The following RASA3 variants were observed in gnomAD, a reference collection of about 807,000 sequenced individuals.
RASA3 encodes ras GTPase-activating protein 3.
Under a neutral mutation model 110.0 loss-of-function variants are expected in RASA3, and 73 were observed. That is an observed-to-expected ratio of 0.66 (90% CI 0.55 to 0.81). The LOEUF (loss-of-function observed/expected upper bound fraction) is 0.81. Ranked by LOEUF, RASA3 falls within the 30% of genes least tolerant of loss-of-function variation. The probability of loss-of-function intolerance (pLI) is 0.00; values close to 1 mark genes in which losing one functional copy is unlikely to be tolerated. For synonymous variants in RASA3, 500 were observed against 451.4 expected (o/e 1.11, Z -1.37); for missense variants, 976 against 1,113.2 (o/e 0.88, Z 1.75).
intron 1 of RASA3, among the ~76,000 whole-genome samples, chr13:114,110,748 G>A (rs1008792880): frequency 6.6e-6 from 1 of 152,178 alleles, no homozygotes; most frequent in African/African-American, 2.4e-5. Flanking sequence ...TCAGCCTCCC[G>A]CGTCCCCACA....
chr13:114,016,007 CAAAGGTGGTGGCT>C (rs1035821537), intron 13 of RASA3, among the ~76,000 whole-genome samples, 177 bp downstream of exon 13: 1 of 152,108 alleles, frequency 6.6e-6, no homozygotes, highest in Admixed American at 6.5e-5. Flanking sequence ...CAGGCCAGGC[CAAAGGTGGTGGCT>C]GAGGCCTCCC....
chr13:114,013,854 G>C (rs111068256), intron 14 of RASA3, among the ~76,000 whole-genome samples: 2,147 of 32,398 alleles, frequency 0.066, 140 homozygotes, highest in African/African-American at 0.17. Context: ...CCATCTCTCT[G>C]TCTCTCTCCC....
At chr13:114,019,203 G>A (rs1378716851) in intron 9 of RASA3, among the ~76,000 whole-genome samples, 6 of 152,212 alleles carry the variant, frequency 3.9e-5, no homozygotes, top group Admixed American at 2.0e-4. Flanking sequence ...TCCGGGAACC[G>A]GCACAGAAGT....
At chr13:114,098,345 G>A (rs2079972675) in intron 1 of RASA3, among the ~76,000 whole-genome samples, 1 of 152,198 alleles carries the variant, frequency 6.6e-6, no homozygotes, top group Non-Finnish European at 1.5e-5. Context: ...CGGGTCAGCA[G>A]GCGCTAAGGA....
intron 4 of RASA3, among the ~76,000 whole-genome samples, chr13:114,039,138 T>C (rs796908446): frequency 1.4e-4 from 22 of 152,354 alleles, no homozygotes; most frequent in African/African-American, 5.3e-4. Context: ...GCTGGGACTC[T>C]GCACTCAGAC....
chr13:113,993,303 G>A (rs1370160217), intron 21 of RASA3, among the ~76,000 whole-genome samples: 1 of 152,040 alleles, frequency 6.6e-6, no homozygotes, highest in East Asian at 2.0e-4. Context: ...AGCCTCCTGA[G>A]TAGCTGGGAT....
intron 11 of RASA3, 107 bp from the exon 12 acceptor site, chr13:114,017,458 C>G (rs751899340): frequency 8.9e-5 from 78 of 879,212 alleles, no homozygotes; most frequent in Middle Eastern, 4.4e-4. Context: ...GGTCAGTGCA[C>G]GCCCATCAGT....
At chr13:114,002,800 A>G (rs1201291178) in intron 18 of RASA3, among the ~76,000 whole-genome samples, 1 of 152,186 alleles carries the variant, frequency 6.6e-6, no homozygotes, top group Admixed American at 6.5e-5. Context: ...AACCGGGCCC[A>G]TCGCGCGTGT....
intron 22 of RASA3, among the ~76,000 whole-genome samples, chr13:113,989,728 C>T (rs1410959949): frequency 3.3e-5 from 5 of 151,996 alleles, no homozygotes; most frequent in African/African-American, 4.8e-5. Flanking sequence ...CTCACCCAAC[C>T]GTCCATCCAC....
chr13:114,041,473 C>T (rs766909944), intron 3 of RASA3, among the ~76,000 whole-genome samples: 165 of 152,396 alleles, frequency 1.1e-3, no homozygotes, highest in Non-Finnish European at 2.2e-3. Context: ...CGAACGTCCG[C>T]TCCATCGGCA....
chr13:113,995,187 C>T (rs1270250073), intron 21 of RASA3, among the ~76,000 whole-genome samples: 2 of 152,228 alleles, frequency 1.3e-5, no homozygotes, highest in South Asian at 2.1e-4. Context: ...GTTCCCTGCA[C>T]GGTCGGCTGC....
chr13:114,011,963 T>C lies in RASA3; in HGVS notation c.1513-715A>G, dbSNP rs4883660. Among the ~76,000 whole-genome samples the C allele has an allele frequency of 0.98, 148,740 of 152,008 alleles. 72,818 individuals carry two copies. Among genetic ancestry groups the C allele is most frequent in the East Asian group, 1 (5,148 of 5,154 alleles). On this transcript the variant is annotated intron_variant, in intron 15 of 23. Coordinates refer to ENST00000334062, the MANE Select transcript of RASA3 (RefSeq NM_007368.4). This position sits in a 1 kb window ranked among gnomAD's most constrained non-coding sequence, Gnocchi z 4.8. ...GGGGAATGGGCAATCCCTCACGTCC[T>C]CTCGCCCTGGCCATCTCCTTCCAGC...
rs774049536 is a variant in RASA3, at chr13:114,056,164, A to C, written c.174-4009T>G. On this transcript the variant is annotated intron_variant, in intron 2 of 23. Coordinates refer to ENST00000334062, the MANE Select transcript of RASA3 (RefSeq NM_007368.4). The surrounding 1 kb of genome is among the most constrained non-coding windows in gnomAD (Gnocchi z 5.7). Reference sequence around the variant, plus strand: ...GCCTGGCAGGAAGGCAGGGAGGAGGAAGTGGGTCGGGCTGGATTGCATGTC... The same window carrying C: ...GCCTGGCAGGAAGGCAGGGAGGAGGCAGTGGGTCGGGCTGGATTGCATGTC... Among the ~76,000 whole-genome samples, 3 of 152,014 alleles carry C rather than the reference A, an allele frequency of 2.0e-5. No homozygotes were observed. The highest frequency in any genetic ancestry group is 4.4e-5 in the Non-Finnish European group (3 of 67,994).
At chr13:114,015,545 T>C (rs1172845399) in intron 13 of RASA3, among the ~76,000 whole-genome samples, 1 of 152,236 alleles carries the variant, frequency 6.6e-6, no homozygotes, top group Non-Finnish European at 1.5e-5. Context: ...AGGCACCACG[T>C]CGGCTCCCCG....
chr13:114,123,282 C>T (rs2080403559), intron 1 of RASA3, among the ~76,000 whole-genome samples: 1 of 152,202 alleles, frequency 6.6e-6, no homozygotes, highest in African/African-American at 2.4e-5. Flanking sequence ...AAGATCAAGG[C>T]AAACTAGCTG....
rs2079251260 is a variant in RASA3, at chr13:114,056,666, T to G, written c.174-4511A>C. On this transcript the variant is annotated intron_variant, in intron 2 of 23. Transcript: ENST00000334062. This position sits in a 1 kb window ranked among gnomAD's most constrained non-coding sequence, Gnocchi z 5.7. ...TTCTGGTGGTGCTGACAGCTGTCCGTGGAAATTGAGGTGCTTAAAATTCAT... is the reference window on the plus strand; with the variant it reads ...TTCTGGTGGTGCTGACAGCTGTCCGGGGAAATTGAGGTGCTTAAAATTCAT... The G allele has an allele frequency of 1.0e-6, 1 of 985,116 alleles. No homozygotes were observed. The highest frequency in any genetic ancestry group is 1.2e-6 in the Non-Finnish European group (1 of 829,860). 61.0% of individuals were successfully genotyped at this position (985,116 alleles called of 1,614,324 possible).
At chr13:114,051,910 G>A (rs1181798733) in intron 3 of RASA3, 142 bp downstream of exon 3, 3 of 610,756 alleles carry the variant, frequency 4.9e-6, no homozygotes, top group Non-Finnish European at 8.7e-6. Context: ...AGCAGATCAG[G>A]AGGAACACCC....
chr13:114,010,232 C>T (rs2297100), intron 16 of RASA3, among the ~76,000 whole-genome samples: 28,903 of 151,982 alleles, frequency 0.19, 2,958 homozygotes, highest in African/African-American at 0.27. Context: ...GGGGCCTCTG[C>T]TCCCCAAAGC....
chr13:114,101,938 G>A (rs1252300042), intron 1 of RASA3, among the ~76,000 whole-genome samples: 7 of 152,266 alleles, frequency 4.6e-5, no homozygotes, highest in East Asian at 3.9e-4. Flanking sequence ...AAAGACAGAC[G>A]GGGCCCTCTC....
Sources: gnomAD v4.1 joint callset for allele counts (sites outside exome capture counted in the v4.1 genomes callset) on GRCh38, gnomAD v4.1.1 for gene constraint, Gnocchi (gnomAD v3.1) non-coding constraint, MANE v1.5 for transcripts, NCBI Gene and HGNC (gene_info 2026-07-23, HGNC 2026-07-21) for gene names.